Variants in ASXL2 observed in about 807,000 individuals in gnomAD.
The protein encoded by ASXL2 is putative Polycomb group protein ASXL2.
A neutral mutation model predicts 122.0 loss-of-function variants in ASXL2; 23 were observed. The ratio of observed to expected loss-of-function variants is 0.19; its 90% CI spans 0.14 to 0.27. The LOEUF (loss-of-function observed/expected upper bound fraction) is 0.27, where lower values mean the gene tolerates loss of function less well. Ranked by LOEUF, ASXL2 falls within the 10% of genes least tolerant of loss-of-function variation. The pLI is 1.00. For missense variants in ASXL2, 1,518 were observed against 1,713.8 expected (o/e 0.89, Z 2.02); for synonymous variants, 650 against 637.0 (o/e 1.02, Z -0.31).
intron 3 of ASXL2, among the ~76,000 whole-genome samples, chr2:25,809,126 T>G (rs1173770001): frequency 6.6e-6 from 1 of 152,158 alleles, no homozygotes; most frequent in Non-Finnish European, 1.5e-5. Flanking sequence ...GAGTTTCACA[T>G]GGCTAAATCA....
chr2:25,848,144 C>G (rs971740235), intron 1 of ASXL2, among the ~76,000 whole-genome samples: 1 of 152,122 alleles, frequency 6.6e-6, no homozygotes, highest in African/African-American at 2.4e-5. Flanking sequence ...TCTGGCATAT[C>G]AAATCTTAAC....
In ASXL2 at chr2:25,773,912, C is replaced by T. The variant is rs1249584354; in HGVS notation, c.404-2372G>A. On this transcript the variant is annotated intron_variant, in intron 5 of 12. Transcript: ENST00000435504. ...GGGTGTGGTGGCAGACACCTGTAGT[C>T]ACAGCTACTCAGGAGGCTGAGGCAG... Among the ~76,000 whole-genome samples, 7 of 151,850 alleles carry T rather than the reference C, an allele frequency of 4.6e-5. No individual in the cohort carries two copies. The East Asian group carries it at 1.3e-3, about 29-fold the overall frequency.
intron 3 of ASXL2, among the ~76,000 whole-genome samples, chr2:25,811,946 C>T (rs62127689): frequency 0.25 from 38,242 of 151,508 alleles, 5,072 homozygotes; most frequent in Non-Finnish European, 0.29. Context: ...GATGGGGTTT[C>T]ACCATGTTGG....
In ASXL2 at chr2:25,750,219, T is replaced by A; in HGVS notation, c.1337A>T (p.Glu446Val). The A allele has an allele frequency of 1.2e-6, 2 of 1,614,000 alleles. No homozygotes were observed. Among genetic ancestry groups the A allele is most frequent in the South Asian group, 1.1e-5 (1 of 91,088 alleles). ...CTGCACTTCACCTTGGCTTTCACAC[T>A]CTTCTTTTCTGCCTGGTGATGACAT... ...LQMSSPGRKE[E>V]CESQGEVQPN... is the part of the protein sequence containing the mutation. The change falls in exon 12 of 13, where the codon GAG becomes GTG. Residue 446 changes from glutamate to valine, a missense_variant. Transcript: ENST00000435504.
At chr2:25,747,845 T>A (rs2087967897) in intron 12 of ASXL2, among the ~76,000 whole-genome samples, 1 of 152,054 alleles carries the variant, frequency 6.6e-6, no homozygotes, top group African/African-American at 2.4e-5. Context: ...CCCCCATAGA[T>A]TCGTAAGTGC....
chr2:25,751,150 T>C (rs2088037692), intron 11 of ASXL2, among the ~76,000 whole-genome samples: 1 of 152,234 alleles, frequency 6.6e-6, no homozygotes, highest in Non-Finnish European at 1.5e-5. Flanking sequence ...CTTAATGTTT[T>C]AGAATACTGT....
In ASXL2 at chr2:25,738,029, A is replaced by C. The variant is rs2087765000; in HGVS notation, c.*4000T>G. On this transcript the variant is annotated 3_prime_UTR_variant, in exon 13 of 13. Coordinates refer to ENST00000435504, the MANE Select transcript of ASXL2 (RefSeq NM_018263.6). ...AAAATAAAAAATAAACCCCAAAACT[A>C]TTCCCCTTATTGCATTTTTCTGAAA... 1 of 152,140 alleles carries C rather than the reference A, an allele frequency of 6.6e-6. No homozygotes were observed. The highest frequency in any genetic ancestry group is 1.5e-5 in the Non-Finnish European group (1 of 68,010). 9.4% of individuals were successfully genotyped at this position (152,140 alleles called of 1,614,324 possible). A position where few individuals can be genotyped will look rare whatever the true frequency, so the allele number is the denominator to read the frequency against.
intron 2 of ASXL2, among the ~76,000 whole-genome samples, chr2:25,836,910 T>C (rs895211148): frequency 3.3e-5 from 5 of 152,150 alleles, no homozygotes; most frequent in African/African-American, 1.2e-4. Flanking sequence ...CCTCTTCTAT[T>C]CATGAATGGA....
rs139200427 is a variant in ASXL2, at chr2:25,846,515, G to A, written c.58-952C>T. On this transcript the variant is annotated intron_variant, in intron 1 of 12. Transcript: ENST00000435504. ...ATACAAAAATTAGTCAGGCGTGGTG[G>A]TGAGTGCCTGTAATCCCAGCTACTC... Among the ~76,000 whole-genome samples, 396 of 152,246 alleles carry A rather than the reference G, an allele frequency of 2.6e-3. 2 individuals are homozygous for A. Among genetic ancestry groups the A allele is most frequent in the African/African-American group, 9.2e-3 (381 of 41,546 alleles).
At chr2:25,856,634 G>A in intron 1 of ASXL2, 1 of 1,247,708 alleles carries the variant, frequency 8.0e-7, no homozygotes, top group African/African-American at 1.5e-5. Flanking sequence ...CAATGAAAAT[G>A]TCCTCAGTCT....
intron 1 of ASXL2, among the ~76,000 whole-genome samples, chr2:25,848,975 G>A (rs2089683860): frequency 6.8e-6 from 1 of 146,100 alleles, no homozygotes; most frequent in Admixed American, 7.1e-5. Flanking sequence ...GGACCAGGAG[G>A]CGGAGGTTGC....
chr2:25,751,720 T>G (rs563728778), intron 11 of ASXL2, among the ~76,000 whole-genome samples: 1 of 151,706 alleles, frequency 6.6e-6, no homozygotes, highest in African/African-American at 2.4e-5. Flanking sequence ...ATGGTCTAAA[T>G]GTACCAAACA....
chr2:25,809,956 T>C, intron 3 of ASXL2: 2 of 525,222 alleles, frequency 3.8e-6, no homozygotes, highest in South Asian at 2.8e-5. Context: ...CAGAGTCTGG[T>C]CCAGCATCCT....
chr2:25,803,409 A>G (rs1236961794), intron 4 of ASXL2, among the ~76,000 whole-genome samples: 1 of 152,228 alleles, frequency 6.6e-6, no homozygotes, highest in Non-Finnish European at 1.5e-5. Context: ...ATAACCAGAC[A>G]GTCAGAAGTA....
chr2:25,807,186 C>A (rs1418674314), intron 3 of ASXL2, among the ~76,000 whole-genome samples: 1 of 152,144 alleles, frequency 6.6e-6, no homozygotes, highest in Non-Finnish European at 1.5e-5. Flanking sequence ...AAAAACTGAT[C>A]ACAATACCTG....
At chr2:25,801,162 T>C (rs1231798916) in intron 4 of ASXL2, among the ~76,000 whole-genome samples, 1 of 152,184 alleles carries the variant, frequency 6.6e-6, no homozygotes, top group Non-Finnish European at 1.5e-5. Context: ...TTTGAACTCC[T>C]GAGCTTAAGC....
chr2:25,841,601 C>A (rs1412165054), intron 2 of ASXL2, among the ~76,000 whole-genome samples: 2 of 152,050 alleles, frequency 1.3e-5, no homozygotes, highest in South Asian at 2.1e-4. Context: ...AATCCCTGTA[C>A]TTTGGGAGGC....
chr2:25,870,011 C>T (rs368723338), intron 1 of ASXL2, among the ~76,000 whole-genome samples: 6 of 151,470 alleles, frequency 4.0e-5, no homozygotes, highest in African/African-American at 7.3e-5. Flanking sequence ...CTGAGGTGGA[C>T]GATAGCTTAA....
chr2:25,758,891 C>CA (rs2088187864), intron 9 of ASXL2, among the ~76,000 whole-genome samples: 1 of 152,028 alleles, frequency 6.6e-6, no homozygotes, highest in African/African-American at 2.4e-5. Context: ...TTTCCCACTC[C>CA]ACTGAAGCAC....
Sources: allele counts gnomAD v4.1 joint callset (sites outside exome capture counted in the v4.1 genomes callset), GRCh38; gene constraint gnomAD v4.1.1; transcripts MANE v1.5; gene names NCBI Gene and HGNC (gene_info 2026-07-23, HGNC 2026-07-21).